PAGE2B: variants seen among roughly 807,000 people sequenced by gnomAD.
PAGE2B encodes the protein putative G antigen family E member 3.
A neutral mutation model predicts 7.6 loss-of-function variants in PAGE2B; 5 were observed. That is an observed-to-expected ratio of 0.66 (90% CI 0.34 to 1.38). The LOEUF is 1.38. Among genes scored for constraint, PAGE2B ranks in the 40% most tolerant of loss-of-function variants. The pLI, the probability that PAGE2B is intolerant of heterozygous loss-of-function variation, is 0.04. For missense variants in PAGE2B, 70 were observed against 78.4 expected (o/e 0.89, Z 0.41); for synonymous variants, 29 against 26.7 (o/e 1.09, Z -0.27).
chrX:55,068,474 T>C, the PAGE2B span, among the ~76,000 whole-genome samples: 1 of 112,150 alleles, frequency 8.9e-6, no homozygotes, highest in East Asian at 2.8e-4. Context: ...GGTAGCATGA[T>C]GTCTCCAGCT....
chrX:55,041,508 G>T, the PAGE2B span, among the ~76,000 whole-genome samples: 5 of 112,265 alleles, frequency 4.5e-5, no homozygotes, highest in Non-Finnish European at 9.4e-5. Context: ...CGTTGTTGTT[G>T]TTGCTGTTGT....
upstream of PAGE2B, among the ~76,000 whole-genome samples, chrX:55,074,546 C>G (rs1936482189): frequency 8.9e-6 from 1 of 111,766 alleles, no homozygotes; most frequent in Admixed American, 9.5e-5. Context: ...GAGTTCCTAC[C>G]ACTTTAATTT....
chrX:55,044,417 A>AG, the PAGE2B span, among the ~76,000 whole-genome samples: 1 of 111,493 alleles, frequency 9.0e-6, no homozygotes, highest in Non-Finnish European at 1.9e-5. Flanking sequence ...GAGGATGCAA[A>AG]GGCATAAGAA....
upstream of PAGE2B, among the ~76,000 whole-genome samples, chrX:55,070,335 GTT>G (rs1287106459): frequency 8.9e-6 from 1 of 112,032 alleles, no homozygotes; most frequent in East Asian, 2.8e-4. Flanking sequence ...TTTCCATGTA[GTT>G]GTGAGGTTTT....
At chrX:55,036,514 T>C in the PAGE2B span, among the ~76,000 whole-genome samples, 48 of 110,947 alleles carry the variant, frequency 4.3e-4, no homozygotes, top group South Asian at 3.1e-3. Flanking sequence ...GCATGAAGGG[T>C]TGTTGAATTT....
At chrX:55,051,056 C>T in the PAGE2B span, among the ~76,000 whole-genome samples, 2 of 110,981 alleles carry the variant, frequency 1.8e-5, no homozygotes, top group Non-Finnish European at 1.9e-5. Context: ...TTTATTTCTC[C>T]TTCACTTATG....
chrX:55,072,041 G>A (rs1379715217), upstream of PAGE2B, among the ~76,000 whole-genome samples: 1 of 111,985 alleles, frequency 8.9e-6, no homozygotes, highest in Non-Finnish European at 1.9e-5. Context: ...CCCACATTCT[G>A]AAGCCTACTT....
the PAGE2B span, among the ~76,000 whole-genome samples, chrX:55,050,770 A>T: frequency 1.3e-4 from 14 of 111,626 alleles, no homozygotes; most frequent in Admixed American, 1.9e-4. Flanking sequence ...CCAGTTTGCC[A>T]GTCTGTGCCT....
the PAGE2B span, among the ~76,000 whole-genome samples, chrX:55,069,753 T>G: frequency 1.8e-5 from 2 of 111,698 alleles, no homozygotes; most frequent in Non-Finnish European, 3.8e-5. Flanking sequence ...ATTCTACCTC[T>G]TCCTGGTTTA....
chrX:55,069,664 A>T, the PAGE2B span, among the ~76,000 whole-genome samples: 1 of 111,510 alleles, frequency 9.0e-6, no homozygotes, highest in African/African-American at 3.3e-5. Flanking sequence ...CTGTGAATCC[A>T]TCTGGTCCTG....
chrX:55,047,380 G>T, the PAGE2B span, among the ~76,000 whole-genome samples: 1 of 110,849 alleles, frequency 9.0e-6, no homozygotes, highest in Non-Finnish European at 1.9e-5. Flanking sequence ...ATAAACATAC[G>T]TGTGCATGTG....
chrX:55,046,124 T>C, the PAGE2B span, among the ~76,000 whole-genome samples: 1 of 111,286 alleles, frequency 9.0e-6, no homozygotes, highest in Non-Finnish European at 1.9e-5. Flanking sequence ...TTTTATTTTA[T>C]TATTTTTTAG....
the PAGE2B span, among the ~76,000 whole-genome samples, chrX:55,037,191 A>G: frequency 8.9e-6 from 1 of 111,827 alleles, no homozygotes; most frequent in South Asian, 3.7e-4. Context: ...CAATGAACTC[A>G]AACAAATTGA....
the PAGE2B span, among the ~76,000 whole-genome samples, chrX:55,042,309 T>A: frequency 9.2e-6 from 1 of 108,849 alleles, no homozygotes; most frequent in Non-Finnish European, 1.9e-5. Flanking sequence ...TTTACAACAG[T>A]TGCAAAAAAT....
the PAGE2B span, among the ~76,000 whole-genome samples, chrX:55,042,559 C>T: frequency 1.1e-5 from 1 of 91,882 alleles, no homozygotes; most frequent in Non-Finnish European, 2.1e-5. Context: ...GAGGCTGAGG[C>T]AGGAGAATGG....
At chrX:55,067,087 G>T in the PAGE2B span, among the ~76,000 whole-genome samples, 1 of 109,686 alleles carries the variant, frequency 9.1e-6, no homozygotes, top group African/African-American at 3.3e-5. Flanking sequence ...TTTAAGTTCT[G>T]GGGTATGTGT....
chrX:55,076,021 A>G lies in PAGE2B; in HGVS notation c.-8-13A>G, dbSNP rs753818421. On this transcript the variant is annotated splice_polypyrimidine_tract_variant and intron_variant, in intron 1 of 4. Transcript: ENST00000374971. ...TTATACACTTTTTCCAAATAACAGT[A>G]TTCTATTTTCAGTGGGAAATATGAG... 1 of 1,192,923 alleles carries G rather than the reference A, an allele frequency of 8.4e-7. No homozygotes were observed. Among genetic ancestry groups the G allele is most frequent in the East Asian group, 3.0e-5 (1 of 33,712 alleles).
the PAGE2B span, chrX:55,054,842 G>C: frequency 9.0e-6 from 1 of 111,658 alleles, no homozygotes; most frequent in African/African-American, 3.3e-5. Flanking sequence ...TAACTGCCTT[G>C]ATAAAAGGAT....
chrX:55,057,018 G>T, the PAGE2B span, among the ~76,000 whole-genome samples: 1 of 111,466 alleles, frequency 9.0e-6, no homozygotes, highest in Middle Eastern at 4.2e-3. Flanking sequence ...GTACCAAATT[G>T]ATGCAGAGAG....
Sources: gnomAD v4.1 joint callset for allele counts (sites outside exome capture counted in the v4.1 genomes callset) on GRCh38, gnomAD v4.1.1 for gene constraint, MANE v1.5 for transcripts, NCBI Gene and HGNC (gene_info 2026-07-23, HGNC 2026-07-21) for gene names.